The following GSN variants were observed in gnomAD, a reference collection of about 807,000 sequenced individuals.
GSN encodes gelsolin, also known as actin-depolymerizing factor.
Under a neutral mutation model 85.7 loss-of-function variants are expected in GSN, and 56 were observed. That is an observed-to-expected ratio of 0.65 (90% CI 0.53 to 0.82). The LOEUF is 0.82. GSN is among the 40% of genes least tolerant of loss of function. GSN has a pLI of 0.00. For missense variants in GSN, 857 were observed against 979.8 expected (o/e 0.87, Z 1.67); for synonymous variants, 373 against 399.1 (o/e 0.93, Z 0.78).
Position 121,329,335 on chromosome 9 carries a change from A to C in GSN, c.1965+20A>C. 3 of 1,442,924 alleles carry C rather than the reference A, an allele frequency of 2.1e-6. No homozygotes were observed. The highest frequency in any genetic ancestry group is 2.9e-6 in the Non-Finnish European group (3 of 1,023,516). The allele number at this position is 1,442,924 out of a possible 1,614,324, so 89.4% of individuals were successfully genotyped here. ...GACCAGGTGGGTGAAGGACAGGTGA[A>C]GGCTCTCTGTGCCAGAGGGAGTGGG... On this transcript the variant is annotated intron_variant, in intron 16 of 17. Coordinates refer to ENST00000432226, the MANE Select transcript of GSN (RefSeq NM_198252.3). The surrounding 1 kb of genome is among the most constrained non-coding windows in gnomAD (Gnocchi z 4.6).
intron 6 of GSN, among the ~76,000 whole-genome samples, chr9:121,254,045 G>T (rs751216686): frequency 2.0e-5 from 3 of 151,852 alleles, no homozygotes; most frequent in Non-Finnish European, 4.4e-5. Flanking sequence ...CAGTTCCTCT[G>T]TTCTCTCGTT....
At chr9:121,282,834 T>C (rs184163495) in intron 2 of GSN, 2 of 314,290 alleles carry the variant, frequency 6.4e-6, no homozygotes, top group Admixed American at 1.0e-4. Flanking sequence ...ATGCTTTTGG[T>C]GACTATGACA....
At chr9:121,292,863 G>A (rs1435347876) in intron 2 of GSN, among the ~76,000 whole-genome samples, 1 of 152,150 alleles carries the variant, frequency 6.6e-6, no homozygotes, top group African/African-American at 2.4e-5. Context: ...AGTTCTCCCT[G>A]CAGAGTGCCT....
intron 2 of GSN, among the ~76,000 whole-genome samples, chr9:121,288,260 G>A (rs2058349779): frequency 6.6e-6 from 1 of 152,168 alleles, no homozygotes; most frequent in South Asian, 2.1e-4. Context: ...CCAGAGCTGT[G>A]TTCATTCCAG....
At chr9:121,284,315 G>A (rs2057790664) in intron 2 of GSN, 1 of 167,056 alleles carries the variant, frequency 6.0e-6, no homozygotes, top group Non-Finnish European at 1.5e-5. Flanking sequence ...TTGGTACGGG[G>A]CTTGTCATTG....
chr9:121,294,634 A>G (rs563088576), intron 2 of GSN, among the ~76,000 whole-genome samples: 1 of 152,266 alleles, frequency 6.6e-6, no homozygotes, highest in South Asian at 2.1e-4. Context: ...CCATCTCCCC[A>G]ACAGCTGGCC....
intron 2 of GSN, chr9:121,283,671 G>GTTCGTTCA (rs2057693962): frequency 1.6e-5 from 2 of 128,556 alleles, no homozygotes; most frequent in South Asian, 7.1e-4. Flanking sequence ...ATGTATATAG[G>GTTCGTTCA]TTCATTCATT....
intron 10 of GSN, among the ~76,000 whole-genome samples, chr9:121,320,667 GA>G (rs1290549491): frequency 5.4e-5 from 8 of 148,610 alleles, no homozygotes; most frequent in Non-Finnish European, 1.0e-4. Flanking sequence ...AAAAAAAAAA[GA>G]AAAAAAGAAA....
intron 7 of GSN, 74 bp downstream of exon 7, chr9:121,314,097 C>G (rs2061462808): frequency 1.7e-6 from 2 of 1,156,588 alleles, no homozygotes. Flanking sequence ...CTTCCCCACT[C>G]CACTGCTATG....
chr9:121,322,257 G>T (rs1292475587), intron 11 of GSN, among the ~76,000 whole-genome samples: 1 of 151,872 alleles, frequency 6.6e-6, no homozygotes, highest in African/African-American at 2.4e-5. Flanking sequence ...TTATAGCCTG[G>T]TCCCTCCCTT....
intron 12 of GSN, among the ~76,000 whole-genome samples, chr9:121,325,341 T>A (rs2063025301): frequency 6.6e-6 from 1 of 151,664 alleles, no homozygotes; most frequent in Non-Finnish European, 1.5e-5. Context: ...CCAGGCAGAG[T>A]GAAGGAAAGC....
At chr9:121,324,121 A>G (rs2062850336) in intron 11 of GSN, among the ~76,000 whole-genome samples, 1 of 152,204 alleles carries the variant, frequency 6.6e-6, no homozygotes, top group Non-Finnish European at 1.5e-5. Context: ...ACCTCTCTGC[A>G]CGTGTTCATG....
At chr9:121,330,467 T>C (rs2026741) in intron 16 of GSN, among the ~76,000 whole-genome samples, 10,885 of 152,062 alleles carry the variant, frequency 0.072, 785 homozygotes, top group Admixed American at 0.17. Context: ...CCCACCTACT[T>C]GGGAGGTCGA....
Position 121,312,453 on chromosome 9 carries a change from T to A in GSN, c.628T>A (p.Ser210Thr). Reference sequence around the variant, plus strand: ...GAGTGGCCGGGCCCGAGTGCACGTGTCTGAGGAGGGCACTGAGCCCGAGGC... The same window carrying A: ...GAGTGGCCGGGCCCGAGTGCACGTGACTGAGGAGGGCACTGAGCCCGAGGC... ...ERSGRARVHV[S>T]EEGTEPEAML... The change falls in exon 6 of 18, where the codon TCT becomes ACT. Residue 210 changes from serine to threonine, a missense_variant. By Grantham distance (58) the Ser-to-Thr change is moderately conservative. Transcript: ENST00000432226. 6.2e-7 allele frequency: 1 copy of A among 1,613,902 alleles called. No homozygotes were observed.
At chr9:121,311,751 A>G (rs961480076) in intron 5 of GSN, 1 of 152,466 alleles carries the variant, frequency 6.6e-6, no homozygotes, top group African/African-American at 2.4e-5. Flanking sequence ...CATTTCTGAG[A>G]TGCATCCGTA....
chr9:121,296,082 G>T (rs139829892), intron 2 of GSN, among the ~76,000 whole-genome samples: 1 of 152,192 alleles, frequency 6.6e-6, no homozygotes, highest in Non-Finnish European at 1.5e-5. Context: ...GGGAAGTGTC[G>T]TGGGGACAGC....
chr9:121,291,487 C>T (rs1395177818), intron 2 of GSN, among the ~76,000 whole-genome samples: 7 of 144,366 alleles, frequency 4.8e-5, no homozygotes, highest in Admixed American at 2.1e-4. Flanking sequence ...GGCGCGATCT[C>T]GGCTCACCGC....
At chr9:121,241,644 A>G (rs2054607646) in intron 5 of GSN, among the ~76,000 whole-genome samples, 2 of 152,248 alleles carry the variant, frequency 1.3e-5, no homozygotes, top group South Asian at 2.1e-4. Context: ...GTTTCATGCT[A>G]TAGTTGCTAT....
chr9:121,215,447 A>G (rs1258466181), intron 4 of GSN, among the ~76,000 whole-genome samples: 1 of 152,116 alleles, frequency 6.6e-6, no homozygotes. Context: ...TAATCCCAGC[A>G]CTTTGGGAGG....
Sources: gnomAD v4.1 joint callset for allele counts (sites outside exome capture counted in the v4.1 genomes callset) on GRCh38, gnomAD v4.1.1 for gene constraint, Gnocchi (gnomAD v3.1) non-coding constraint, MANE v1.5 for transcripts, NCBI Gene and HGNC (gene_info 2026-07-23, HGNC 2026-07-21) for gene names.